COL16A1: variants seen among roughly 807,000 people sequenced by gnomAD.
COL16A1 encodes the protein collagen alpha-1(XVI) chain.
COL16A1 carries 189 observed loss-of-function variants against 266.3 expected under a neutral mutation model. The observed-to-expected ratio is 0.71, with a 90% CI of 0.63 to 0.80. The LOEUF is 0.80. Among genes scored for constraint, COL16A1 ranks in the 30% least tolerant of loss-of-function variants. COL16A1 has a pLI of 0.00. For missense variants in COL16A1, 1,928 were observed against 2,122.4 expected (o/e 0.91, Z 1.80); for synonymous variants, 740 against 782.3 (o/e 0.95, Z 0.90).
chr1:31,672,394 G>T, intron 47 of COL16A1, 22 bp downstream of exon 47: 3 of 1,613,592 alleles, frequency 1.9e-6, no homozygotes, highest in Non-Finnish European at 2.5e-6. Flanking sequence ...CCTTGAGGAT[G>T]AATCCCCATC....
intron 23 of COL16A1, 113 bp downstream of exon 23, chr1:31,689,628 T>C: frequency 1.2e-6 from 1 of 821,366 alleles, no homozygotes; most frequent in Non-Finnish European, 2.1e-6. Flanking sequence ...CCATAATCTC[T>C]CTGTAGCCAC....
chr1:31,673,928 A>G (rs1192665293), intron 44 of COL16A1, among the ~76,000 whole-genome samples: 1 of 152,262 alleles, frequency 6.6e-6, no homozygotes, highest in African/African-American at 2.4e-5. Context: ...AGAAGCCAAC[A>G]GATGAAATGT....
At chr1:31,694,927 G>C (rs190742751) in intron 11 of COL16A1, among the ~76,000 whole-genome samples, 2 of 152,204 alleles carry the variant, frequency 1.3e-5, no homozygotes, top group African/African-American at 2.4e-5. Flanking sequence ...TGGTCCTGCC[G>C]GCCACCATCC....
chr1:31,683,891 C>A, intron 33 of COL16A1, 59 bp downstream of exon 33: 1 of 1,612,026 alleles, frequency 6.2e-7, no homozygotes, highest in Non-Finnish European at 8.5e-7. Flanking sequence ...CCATGGATCT[C>A]CCTATCCCAC....
Position 31,688,302 on chromosome 1 carries a change from T to C in COL16A1, c.1803+165A>G, listed in dbSNP as rs998503486. 6.6e-6 allele frequency among the ~76,000 whole-genome samples: 1 copy of C among 152,168 alleles called. No homozygotes were observed. The highest frequency in any genetic ancestry group is 2.4e-5 in the African/African-American group (1 of 41,430). On this transcript the variant is annotated intron_variant, in intron 26 of 70. Transcript: ENST00000373672. The surrounding 1 kb of genome is among the most constrained non-coding windows in gnomAD (Gnocchi z 4.9). ...TACAGAACATGAGGGCTCTCAGAAATAAATTCTTTGACTCAAGTCTGCAAA... is the reference window on the plus strand; with the variant it reads ...TACAGAACATGAGGGCTCTCAGAAACAAATTCTTTGACTCAAGTCTGCAAA...
rs1036020041 is a variant in COL16A1 at position 31,665,320 on chromosome 1, G to A, written c.3493-86C>T. On this transcript the variant is annotated intron_variant, in intron 55 of 70. Coordinates refer to ENST00000373672, the MANE Select transcript of COL16A1 (RefSeq NM_001856.4). ...TTATTCTTCCTGTGCATGATGCACTGTTGTTAATGCAATTCATTTTGACTT... is the reference window on the plus strand; with the variant it reads ...TTATTCTTCCTGTGCATGATGCACTATTGTTAATGCAATTCATTTTGACTT... 5.2e-6 allele frequency: 8 copies of A among 1,539,352 alleles called. No homozygotes were observed. The African/African-American group carries it at 9.7e-5, about 19-fold the overall frequency.
At position 31,697,387 on chromosome 1, in the gene COL16A1, C is replaced by T; in HGVS notation, c.658-87G>A. 2 of 1,331,498 alleles carry T rather than the reference C, an allele frequency of 1.5e-6. No individual in the cohort carries two copies. Among genetic ancestry groups the T allele is most frequent in the South Asian group, 2.7e-5 (2 of 74,182 alleles). 82.5% of individuals were successfully genotyped at this position (1,331,498 alleles called of 1,614,324 possible). On this transcript the variant is annotated intron_variant, in intron 6 of 70. Coordinates refer to ENST00000373672, the MANE Select transcript of COL16A1 (RefSeq NM_001856.4). This position sits in a 1 kb window ranked among gnomAD's most constrained non-coding sequence, Gnocchi z 4.2. The stretch of plus-strand genomic sequence containing the variant: ...CCCAGGAGGCACAGAGATGTCTCTG[C>T]CCCAGGATGTGACCTCAGGGTGTTT...
chr1:31,667,602 G>C lies in COL16A1; in HGVS notation c.3330C>G (p.Thr1110=), dbSNP rs200246591. ...GCTCTCCTTTCTCTCCCGCTGACCCGGTGTAGCCACGCTCCCCCTTGATGC... is the reference window on the plus strand; with the variant it reads ...GCTCTCCTTTCTCTCCCGCTGACCCCGTGTAGCCACGCTCCCCCTTGATGC... The part of the protein sequence containing the change: ...LPGIKGERGY[T]GSAGEKGEPG... The change falls in exon 52 of 71, where the codon ACC becomes ACG. Residue 1110 remains threonine, a synonymous_variant. Transcript: ENST00000373672. 1 of 1,604,032 alleles carries C rather than the reference G, an allele frequency of 6.2e-7. No individual in the cohort carries two copies. The highest frequency in any genetic ancestry group is 1.3e-5 in the African/African-American group (1 of 74,888).
Position 31,688,378 on chromosome 1 carries a change from A to G in COL16A1, c.1803+89T>C. 1 of 1,401,992 alleles carries G rather than the reference A, an allele frequency of 7.1e-7. No individual in the cohort carries two copies. Among genetic ancestry groups the G allele is most frequent in the Non-Finnish European group, 1.0e-6 (1 of 988,014 alleles). 86.8% of individuals were successfully genotyped at this position (1,401,992 alleles called of 1,614,324 possible). On this transcript the variant is annotated intron_variant, in intron 26 of 70. Coordinates refer to ENST00000373672, the MANE Select transcript of COL16A1 (RefSeq NM_001856.4). The surrounding 1 kb of genome is among the most constrained non-coding windows in gnomAD (Gnocchi z 4.9). ...AATTTACCGTCTGAATCTCTTGTTT[A>G]TATTACCCTTATTCCCCGCCCGCAC...
Position 31,685,630 on chromosome 1 carries a change from C to A in COL16A1, c.2016+9G>T. 6.2e-7 allele frequency: 1 copy of A among 1,613,576 alleles called. No homozygotes were observed. Among genetic ancestry groups the A allele is most frequent in the Non-Finnish European group, 8.5e-7 (1 of 1,179,754 alleles). Reference sequence around the variant, plus strand: ...CCGTCCAGAGGCCCCTGCCTATATCCCACCTCACCTGTTTTCCTGGCAAGC... The same window carrying A: ...CCGTCCAGAGGCCCCTGCCTATATCACACCTCACCTGTTTTCCTGGCAAGC... On this transcript the variant is annotated intron_variant, in intron 29 of 70. Coordinates refer to ENST00000373672, the MANE Select transcript of COL16A1 (RefSeq NM_001856.4). This position sits in a 1 kb window ranked among gnomAD's most constrained non-coding sequence, Gnocchi z 4.0.
At chr1:31,684,032 C>T in intron 32 of COL16A1, 29 bp from the exon 33 acceptor site, 3 of 1,614,114 alleles carry the variant, frequency 1.9e-6, no homozygotes, top group Non-Finnish European at 2.5e-6. Context: ...CCCATGGAGT[C>T]CCCACAGGAG....
In COL16A1 at chr1:31,672,585, G is replaced by GAGGC; in HGVS notation, c.3018+7_3018+10dup. The stretch of plus-strand genomic sequence containing the variant: ...GGGGCATGATCGGGGGAGATAAGGC[G>GAGGC]AGGCACTCACCCGGGCCTCCTCGGC... On this transcript the variant is annotated intron_variant, in intron 46 of 70. Transcript: ENST00000373672. 6.2e-7 allele frequency: 1 copy of GAGGC among 1,608,734 alleles called. No homozygotes were observed. Among genetic ancestry groups the GAGGC allele is most frequent in the Non-Finnish European group, 8.5e-7 (1 of 1,176,402 alleles).
In COL16A1 at chr1:31,697,673, G is replaced by A. The variant is rs1346509796; in HGVS notation, c.657+233C>T. On this transcript the variant is annotated intron_variant, in intron 6 of 70. Transcript: ENST00000373672. This position sits in a 1 kb window ranked among gnomAD's most constrained non-coding sequence, Gnocchi z 4.2. ...GATGGCTAGGATGGAATTGATCAGA[G>A]CAGAGCTGCACGGAGAGATGTAAAG... is the stretch of plus-strand genomic sequence containing the variant. Among the ~76,000 whole-genome samples, 1 of 152,204 alleles carries A rather than the reference G, an allele frequency of 6.6e-6. No homozygotes were observed. Among genetic ancestry groups the A allele is most frequent in the South Asian group, 2.1e-4 (1 of 4,836 alleles).
Position 31,664,454 on chromosome 1 carries a change from G to A in COL16A1, c.3555+718C>T, listed in dbSNP as rs889205377. ...GAAAGAGGCTCCCACCTGTCCCTCT[G>A]AACCCAGGTCCCCCGACCCCAAGCT... On this transcript the variant is annotated intron_variant, in intron 56 of 70. Coordinates refer to ENST00000373672, the MANE Select transcript of COL16A1 (RefSeq NM_001856.4). This position sits in a 1 kb window ranked among gnomAD's most constrained non-coding sequence, Gnocchi z 5.5. Among the ~76,000 whole-genome samples, 1 of 152,092 alleles carries A rather than the reference G, an allele frequency of 6.6e-6. No homozygotes were observed.
Position 31,661,673 on chromosome 1 carries a change from A to G in COL16A1, c.3713T>C (p.Leu1238Pro). Reference sequence around the variant, plus strand: ...AGCTCAACTTACCGGTGGTCCCATGAGTCCAGGGGGGCCAGCAGGACCAGG... The same window carrying G: ...AGCTCAACTTACCGGTGGTCCCATGGGTCCAGGGGGGCCAGCAGGACCAGG... Reference protein sequence around the residue: ...GDPGPAGPPGLMGPPGFKGKT... With the variant: ...GDPGPAGPPGPMGPPGFKGKT... Residue 1238 changes from leucine to proline, a missense_variant, in exon 59 of 71, where the codon CTC becomes CCC. Transcript: ENST00000373672. The G allele has an allele frequency of 2.5e-6, 4 of 1,607,256 alleles. No homozygotes were observed. The South Asian group carries it at 4.5e-5, about 18-fold the overall frequency.
chr1:31,700,472 A>G (rs1644685277), intron 2 of COL16A1, among the ~76,000 whole-genome samples: 1 of 152,264 alleles, frequency 6.6e-6, no homozygotes, highest in Non-Finnish European at 1.5e-5. Context: ...GCTCTCGAGC[A>G]CAGATGGAGT....
chr1:31,652,637 G>A lies in COL16A1; in HGVS notation c.*14C>T. The stretch of plus-strand genomic sequence containing the variant: ...TCCCAACGGAGTCTTTCATCCAAAG[G>A]CAGGTGGGGAATTTCAGCCAAAAGG... On this transcript the variant is annotated 3_prime_UTR_variant, in exon 71 of 71. Coordinates refer to ENST00000373672, the MANE Select transcript of COL16A1 (RefSeq NM_001856.4). This position sits in a 1 kb window ranked among gnomAD's most constrained non-coding sequence, Gnocchi z 4.8. 1.3e-6 allele frequency: 2 copies of A among 1,559,538 alleles called. No individual in the cohort carries two copies. The highest frequency in any genetic ancestry group is 1.7e-6 in the Non-Finnish European group (2 of 1,158,146).
At chr1:31,653,060 C>T (rs1640769396) in intron 70 of COL16A1, among the ~76,000 whole-genome samples, 1 of 152,244 alleles carries the variant, frequency 6.6e-6, no homozygotes, top group Non-Finnish European at 1.5e-5. Context: ...ATGTGCCAGG[C>T]ACAGGGCTGA....
rs375693749 is a variant in COL16A1, at chr1:31,694,205, G to A, written c.982-35C>T. ...CAGAGGAGAGGGCATCACACTTCCG[G>A]TAGAGAGAGAAAACCAGGGGCCCAG... On this transcript the variant is annotated intron_variant, in intron 11 of 70. Coordinates refer to ENST00000373672, the MANE Select transcript of COL16A1 (RefSeq NM_001856.4). 8.3e-5 allele frequency: 129 copies of A among 1,560,234 alleles called. No homozygotes were observed. In the African/African-American group the frequency reaches 1.5e-3, roughly 18 times the overall value.
Sources: allele counts gnomAD v4.1 joint callset (sites outside exome capture counted in the v4.1 genomes callset), GRCh38; gene constraint gnomAD v4.1.1; non-coding constraint Gnocchi (gnomAD v3.1); transcripts MANE v1.5; gene names NCBI Gene and HGNC (gene_info 2026-07-23, HGNC 2026-07-21).